The following SLCO4C1 variants were observed in gnomAD, a reference collection of about 807,000 sequenced individuals.
The protein encoded by SLCO4C1 is organic anion transporter M1.
A neutral mutation model predicts 72.1 loss-of-function variants in SLCO4C1; 58 were observed. The observed-to-expected ratio is 0.80, with a 90% CI of 0.65 to 1.00. SLCO4C1 has a LOEUF of 1.00. Among genes scored for constraint, SLCO4C1 ranks in the 50% least tolerant of loss-of-function variants. The pLI, the probability that SLCO4C1 is intolerant of heterozygous loss-of-function variation, is 0.00. For missense variants in SLCO4C1, 898 were observed against 857.9 expected (o/e 1.05, Z -0.58); for synonymous variants, 297 against 312.5 (o/e 0.95, Z 0.52).
At chr5:102,278,730 C>T (rs1258309600) in intron 2 of SLCO4C1, among the ~76,000 whole-genome samples, 1 of 151,884 alleles carries the variant, frequency 6.6e-6, no homozygotes, top group African/African-American at 2.4e-5. Flanking sequence ...CATGCTCTCA[C>T]ACTTTCAAAT....
chr5:102,251,786 A>G (rs1386876023), intron 8 of SLCO4C1, among the ~76,000 whole-genome samples: 1 of 152,174 alleles, frequency 6.6e-6, no homozygotes, highest in Non-Finnish European at 1.5e-5. Context: ...AACCACGAAC[A>G]TTTATAAGAT....
At position 102,294,772 on chromosome 5, in the gene SLCO4C1, A is replaced by G. The variant is rs575738798; in HGVS notation, c.355+1136T>C. On this transcript the variant is annotated intron_variant, in intron 1 of 12. Transcript: ENST00000310954. ...ATCAATAAATGGTTACTTAGCATCT[A>G]ATGCGCAAAGCAAGGGGCCCTGGGT... Among the ~76,000 whole-genome samples the G allele has an allele frequency of 2.0e-5, 3 of 152,314 alleles. No homozygotes were observed. In the South Asian group the frequency reaches 6.2e-4, roughly 32 times the overall value.
intron 2 of SLCO4C1, among the ~76,000 whole-genome samples, chr5:102,279,130 A>G (rs1749307680): frequency 6.6e-6 from 1 of 151,934 alleles, no homozygotes. Context: ...AAATACTATC[A>G]ATATCAGGAA....
At chr5:102,294,358 A>G (rs918252305) in intron 1 of SLCO4C1, among the ~76,000 whole-genome samples, 3 of 152,186 alleles carry the variant, frequency 2.0e-5, no homozygotes, top group Non-Finnish European at 2.9e-5. Context: ...TTGGGTCACT[A>G]TTATCTCAGA....
chr5:102,244,711 C>T (rs913224565), intron 10 of SLCO4C1, among the ~76,000 whole-genome samples: 4 of 152,152 alleles, frequency 2.6e-5, no homozygotes, highest in Middle Eastern at 3.2e-3. Context: ...TCAGTGGAAA[C>T]CTCATAGGCC....
In SLCO4C1 at chr5:102,236,627, C is replaced by A; in HGVS notation, c.*231G>T. The A allele has an allele frequency of 5.1e-6, 2 of 392,042 alleles. No individual in the cohort carries two copies. Among genetic ancestry groups the A allele is most frequent in the Non-Finnish European group, 4.6e-6 (1 of 218,036 alleles). The allele number at this position is 392,042 out of a possible 1,614,324, so 24.3% of individuals were successfully genotyped here. On this transcript the variant is annotated 3_prime_UTR_variant, in exon 13 of 13. Coordinates refer to ENST00000310954, the MANE Select transcript of SLCO4C1 (RefSeq NM_180991.5). ...GTTCGTGTGTGTGTGTGTGTGTGTG[C>A]TCGTGTGTGTGTGTGCTGTGTTTTG... is the stretch of plus-strand genomic sequence containing the variant.
At chr5:102,286,813 G>T (rs841933) in intron 2 of SLCO4C1, among the ~76,000 whole-genome samples, 1 of 151,844 alleles carries the variant, frequency 6.6e-6, no homozygotes, top group Non-Finnish European at 1.5e-5. Flanking sequence ...GAAAGTCCAC[G>T]CTGTTTCAAA....
intron 3 of SLCO4C1, among the ~76,000 whole-genome samples, chr5:102,266,093 A>G (rs1749033462): frequency 6.6e-6 from 1 of 151,632 alleles, no homozygotes; most frequent in African/African-American, 2.4e-5. Flanking sequence ...TTCTTGATAT[A>G]TTTTTCAACT....
rs1748402657 is a variant in SLCO4C1 at position 102,234,759 on chromosome 5, C to T, written c.*2099G>A. ...GTTACAACTATGAAAGTCTTCAATC[C>T]AATTCCCTGCTTCCACACAAAGGAC... On this transcript the variant is annotated 3_prime_UTR_variant, in exon 13 of 13. Transcript: ENST00000310954. The T allele has an allele frequency of 6.6e-6, 1 of 151,780 alleles. No homozygotes were observed. The highest frequency in any genetic ancestry group is 6.6e-5 in the Admixed American group (1 of 15,224). 9.4% of individuals were successfully genotyped at this position (151,780 alleles called of 1,614,324 possible). A position where few individuals can be genotyped will look rare whatever the true frequency, so the allele number is the denominator to read the frequency against.
intron 8 of SLCO4C1, among the ~76,000 whole-genome samples, chr5:102,255,148 T>C (rs191679211): frequency 1.3e-5 from 2 of 149,754 alleles, no homozygotes; most frequent in Non-Finnish European, 3.0e-5. Flanking sequence ...TATTTATGTG[T>C]ATTCACTTTC....
At chr5:102,260,088 G>T in intron 6 of SLCO4C1, 125 bp downstream of exon 6, 1 of 247,322 alleles carries the variant, frequency 4.0e-6, no homozygotes, top group Non-Finnish European at 8.0e-6. Flanking sequence ...GGTTGTATTT[G>T]TATATATATA....
At chr5:102,291,652 C>A in intron 1 of SLCO4C1, 46 bp from the exon 2 acceptor site, 1 of 1,474,578 alleles carries the variant, frequency 6.8e-7, no homozygotes, top group Non-Finnish European at 9.2e-7. Flanking sequence ...TTTTACCATA[C>A]GATTAAGATT....
At position 102,235,536 on chromosome 5, in the gene SLCO4C1, A is replaced by G. The variant is rs1482981954; in HGVS notation, c.*1322T>C. The G allele has an allele frequency of 3.3e-5, 5 of 152,328 alleles. No individual in the cohort carries two copies. The East Asian group carries it at 9.6e-4, about 29-fold the overall frequency. The allele number at this position is 152,328 out of a possible 1,614,324, so 9.4% of individuals were successfully genotyped here. On this transcript the variant is annotated 3_prime_UTR_variant, in exon 13 of 13. Transcript: ENST00000310954. ...ATCAGGCTTGTAAAATACTTTATCA[A>G]ATCAATGCATCAGTTAAAGCAGGGG...
At position 102,270,709 on chromosome 5, in the gene SLCO4C1, C is replaced by A; in HGVS notation, c.717G>T (p.Leu239=). ...TATAAAGAGGAGTTCCTCCTGCCCCCAGCAATAGTTGTCCCAAGATGAAGA... is the reference window on the plus strand; with the variant it reads ...TATAAAGAGGAGTTCCTCCTGCCCCAAGCAATAGTTGTCCCAAGATGAAGA... ...LYVFILGQLL[L]GAGGTPLYTL... is the part of the protein sequence containing the mutation. The change falls in exon 3 of 13, where the codon CTG becomes CTT. Residue 239 remains leucine, a synonymous_variant. Coordinates refer to ENST00000310954, the MANE Select transcript of SLCO4C1 (RefSeq NM_180991.5). 1 of 1,613,084 alleles carries A rather than the reference C, an allele frequency of 6.2e-7. No individual in the cohort carries two copies. Among genetic ancestry groups the A allele is most frequent in the Non-Finnish European group, 8.5e-7 (1 of 1,179,504 alleles).
At chr5:102,262,561 C>T (rs1303776350) in intron 4 of SLCO4C1, among the ~76,000 whole-genome samples, 1 of 152,044 alleles carries the variant, frequency 6.6e-6, no homozygotes. Flanking sequence ...CAGCCTTGAA[C>T]CCCTGGGTTC....
chr5:102,266,065 A>G (rs1250181376), intron 3 of SLCO4C1, among the ~76,000 whole-genome samples: 1 of 152,122 alleles, frequency 6.6e-6, no homozygotes, highest in East Asian at 1.9e-4. Context: ...CTTTGTAACC[A>G]TTATAAATGA....
intron 2 of SLCO4C1, among the ~76,000 whole-genome samples, chr5:102,273,953 T>C (rs2600826): frequency 0.35 from 52,538 of 151,828 alleles, 9,447 homozygotes; most frequent in East Asian, 0.54. Flanking sequence ...ATCTGTGGAT[T>C]CAACCAACCA....
intron 9 of SLCO4C1, among the ~76,000 whole-genome samples, chr5:102,249,230 C>T (rs2112345185): frequency 6.6e-6 from 1 of 151,974 alleles, no homozygotes; most frequent in East Asian, 1.9e-4. Context: ...ACAGTATTCG[C>T]AGGATGCAAA....
chr5:102,241,003 G>A (rs1250832181), intron 10 of SLCO4C1, among the ~76,000 whole-genome samples: 1 of 152,036 alleles, frequency 6.6e-6, no homozygotes, highest in African/African-American at 2.4e-5. Context: ...ACACCAAAGA[G>A]TCACTAGTCT....
Sources: gnomAD v4.1 joint callset for allele counts (sites outside exome capture counted in the v4.1 genomes callset) on GRCh38, gnomAD v4.1.1 for gene constraint, MANE v1.5 for transcripts, NCBI Gene and HGNC (gene_info 2026-07-23, HGNC 2026-07-21) for gene names.